The following CEP83 variants were observed in gnomAD, a reference collection of about 807,000 sequenced individuals.
The protein encoded by CEP83 is centrosomal protein 83, also known as centrosomal protein of 83 kDa.
Under a neutral mutation model 101.9 loss-of-function variants are expected in CEP83, and 70 were observed. The observed-to-expected ratio is 0.69, with a 90% CI of 0.57 to 0.84. The LOEUF (loss-of-function observed/expected upper bound fraction) is 0.84, where lower values mean the gene tolerates loss of function less well. Among genes scored for constraint, CEP83 ranks in the 40% least tolerant of loss-of-function variants. CEP83 has a pLI of 0.00. For missense variants in CEP83, 715 were observed against 787.2 expected (o/e 0.91, Z 1.10); for synonymous variants, 264 against 267.9 (o/e 0.99, Z 0.14).
At chr12:94,433,104 C>T (rs2065761951) in intron 2 of CEP83, among the ~76,000 whole-genome samples, 1 of 151,894 alleles carries the variant, frequency 6.6e-6, no homozygotes, top group African/African-American at 2.4e-5. Flanking sequence ...AGGAGAACAC[C>T]CTGGGGAGGT....
chr12:94,420,982 G>A (rs1566154885), intron 2 of CEP83, among the ~76,000 whole-genome samples: 2 of 151,984 alleles, frequency 1.3e-5, no homozygotes, highest in Non-Finnish European at 2.9e-5. Flanking sequence ...GGTTTGCTTT[G>A]TAACTTGCTT....
At chr12:94,445,071 C>T (rs1266158192) in intron 1 of CEP83, among the ~76,000 whole-genome samples, 2 of 151,852 alleles carry the variant, frequency 1.3e-5, no homozygotes, top group Admixed American at 6.6e-5. Flanking sequence ...ACTTGCATTA[C>T]CTGACTTCAC....
intron 10 of CEP83, 43 bp from the exon 11 acceptor site, chr12:94,367,986 AGAT>A (rs1398806734): frequency 1.2e-6 from 2 of 1,605,884 alleles, no homozygotes; most frequent in South Asian, 1.1e-5. Flanking sequence ...ACTATAATAA[AGAT>A]GATATGACAG....
At chr12:94,274,535 C>A in the CEP83 span, among the ~76,000 whole-genome samples, 1 of 152,198 alleles carries the variant, frequency 6.6e-6, no homozygotes, top group Non-Finnish European at 1.5e-5. Flanking sequence ...GCCACCGCAG[C>A]TTACTGACAC....
intron 1 of CEP83, among the ~76,000 whole-genome samples, chr12:94,442,717 C>A (rs1261473240): frequency 6.6e-6 from 1 of 152,186 alleles, no homozygotes; most frequent in Non-Finnish European, 1.5e-5. Flanking sequence ...TTATCCGCTA[C>A]ATCAACTTAA....
the CEP83 span, among the ~76,000 whole-genome samples, chr12:94,274,155 TAA>T: frequency 0.029 from 1,311 of 45,196 alleles, 7 homozygotes; most frequent in Non-Finnish European, 0.034. Flanking sequence ...ACCCTGTCTC[TAA>T]AAAAAAAAAA....
At chr12:94,321,270 C>T (rs1242788943) in intron 14 of CEP83, among the ~76,000 whole-genome samples, 1 of 152,096 alleles carries the variant, frequency 6.6e-6, no homozygotes, top group African/African-American at 2.4e-5. Context: ...GTGCCTGTAT[C>T]GTTTTATTGT....
chr12:94,452,378 A>G (rs1325311253), intron 1 of CEP83, among the ~76,000 whole-genome samples: 1 of 152,172 alleles, frequency 6.6e-6, no homozygotes, highest in Non-Finnish European at 1.5e-5. Context: ...GGCTAGGTAG[A>G]AGAAAGAAGT....
At chr12:94,276,492 G>T in the CEP83 span, among the ~76,000 whole-genome samples, 2 of 151,954 alleles carry the variant, frequency 1.3e-5, no homozygotes, top group African/African-American at 4.8e-5. Context: ...GAGGGAGGGC[G>T]GGTGGTAAAG....
At chr12:94,334,107 A>C (rs1593218513) in intron 12 of CEP83, among the ~76,000 whole-genome samples, 1 of 152,294 alleles carries the variant, frequency 6.6e-6, no homozygotes, top group African/African-American at 2.4e-5. Flanking sequence ...GCAACCTTCC[A>C]GAAGTTCTAC....
At chr12:94,395,068 C>G (rs2062799193) in intron 6 of CEP83, among the ~76,000 whole-genome samples, 1 of 152,112 alleles carries the variant, frequency 6.6e-6, no homozygotes, top group South Asian at 2.1e-4. Context: ...TGTGGCAATC[C>G]CTCAAGGATC....
At chr12:94,452,068 T>G (rs957878553) in intron 1 of CEP83, among the ~76,000 whole-genome samples, 1 of 152,098 alleles carries the variant, frequency 6.6e-6, no homozygotes, top group Non-Finnish European at 1.5e-5. Context: ...CTCAAAAGCA[T>G]GAAGTTAAAG....
intron 6 of CEP83, among the ~76,000 whole-genome samples, chr12:94,400,339 T>C (rs567969188): frequency 3.2e-4 from 49 of 152,298 alleles, no homozygotes; most frequent in African/African-American, 1.1e-3. Flanking sequence ...ATGTATGCTG[T>C]AGGCAGCATA....
At chr12:94,333,084 A>G (rs896324953) in intron 13 of CEP83, among the ~76,000 whole-genome samples, 1 of 149,184 alleles carries the variant, frequency 6.7e-6, no homozygotes, top group Non-Finnish European at 1.5e-5. Context: ...TTAGCTTTTC[A>G]AAGAAAATCC....
intron 2 of CEP83, among the ~76,000 whole-genome samples, chr12:94,432,078 G>A (rs888000710): frequency 2.0e-5 from 3 of 149,296 alleles, no homozygotes; most frequent in Non-Finnish European, 3.0e-5. Flanking sequence ...TTTTTGAGAC[G>A]GAGTCTCGCT....
intron 15 of CEP83, chr12:94,312,693 C>T (rs1333595433): frequency 2.0e-6 from 2 of 985,214 alleles, no homozygotes; most frequent in South Asian, 4.7e-5. Context: ...CTGTTAGTCC[C>T]AATCATAAGG....
the CEP83 span, among the ~76,000 whole-genome samples, chr12:94,283,430 C>A: frequency 6.6e-6 from 1 of 152,196 alleles, no homozygotes; most frequent in Admixed American, 6.5e-5. Flanking sequence ...TACACCACAC[C>A]AGGTACTATT....
At chr12:94,418,130 G>A (rs1187449020) in intron 2 of CEP83, among the ~76,000 whole-genome samples, 2 of 152,186 alleles carry the variant, frequency 1.3e-5, no homozygotes, top group Non-Finnish European at 1.5e-5. Context: ...GGGAGGCTGA[G>A]GCAGGTGGGT....
At chr12:94,345,839 T>C (rs890713750) in intron 11 of CEP83, among the ~76,000 whole-genome samples, 5 of 152,208 alleles carry the variant, frequency 3.3e-5, no homozygotes, top group African/African-American at 1.2e-4. Context: ...TTCCATACGA[T>C]TGTCCATTCT....
Sources: allele counts gnomAD v4.1 joint callset (sites outside exome capture counted in the v4.1 genomes callset), GRCh38; gene constraint gnomAD v4.1.1; transcripts MANE v1.5; gene names NCBI Gene and HGNC (gene_info 2026-07-23, HGNC 2026-07-21).